Variants in SNTG1 observed in about 807,000 individuals in gnomAD.
SNTG1 encodes the protein syntrophin gamma 1, also known as gamma-1-syntrophin.
In SNTG1, 39 loss-of-function variants were observed where a neutral mutation model predicts 74.7. That is an observed-to-expected ratio of 0.52 (90% confidence interval 0.40 to 0.68). The LOEUF (loss-of-function observed/expected upper bound fraction) is 0.68. SNTG1 is among the 30% of genes least tolerant of loss of function. The pLI is 0.00. For missense variants in SNTG1, 685 were observed against 609.5 expected (o/e 1.12, Z -1.30); for synonymous variants, 254 against 217.1 (o/e 1.17, Z -1.49).
At chr8:50,198,239 C>T (rs952276918) in intron 2 of SNTG1, among the ~76,000 whole-genome samples, 2 of 152,150 alleles carry the variant, frequency 1.3e-5, no homozygotes, top group African/African-American at 2.4e-5. Context: ...TGGGAGAAAG[C>T]AGTCTCCCGG....
At chr8:49,987,259 G>C (rs1280140779) in intron 1 of SNTG1, among the ~76,000 whole-genome samples, 1 of 151,978 alleles carries the variant, frequency 6.6e-6, no homozygotes, top group East Asian at 1.9e-4. Flanking sequence ...AAAATTAAGA[G>C]TATAAATAAA....
At position 50,161,691 on chromosome 8, in the gene SNTG1, T is replaced by C. The variant is rs560194462; in HGVS notation, c.-102-10870T>C. On this transcript the variant is annotated intron_variant, in intron 1 of 18. Coordinates refer to ENST00000642720, the MANE Select transcript of SNTG1 (RefSeq NM_018967.5). ...TTGGCCCTTGAGTGCATGAGGTAAGTATAGATTTGAAAGCCCTTGTCTAGT... is the reference window on the plus strand; with the variant it reads ...TTGGCCCTTGAGTGCATGAGGTAAGCATAGATTTGAAAGCCCTTGTCTAGT... Among the ~76,000 whole-genome samples the C allele has an allele frequency of 4.6e-5, 7 of 151,706 alleles. No homozygotes were observed. The East Asian group carries it at 1.2e-3, about 25-fold the overall frequency.
intron 2 of SNTG1, among the ~76,000 whole-genome samples, chr8:50,354,043 C>G (rs1241899040): frequency 6.6e-6 from 1 of 152,186 alleles, no homozygotes; most frequent in African/African-American, 2.4e-5. Flanking sequence ...GACCAGTGAA[C>G]TATTCACTTG....
intron 18 of SNTG1, among the ~76,000 whole-genome samples, chr8:50,771,938 T>C (rs754941341): frequency 6.6e-6 from 1 of 152,096 alleles, no homozygotes; most frequent in East Asian, 1.9e-4. Flanking sequence ...GTGAGAGCTA[T>C]GGAAACAAGC....
intron 2 of SNTG1, among the ~76,000 whole-genome samples, chr8:50,180,739 G>A (rs183013183): frequency 7.7e-5 from 10 of 130,284 alleles, no homozygotes; most frequent in Middle Eastern, 4.5e-3. Context: ...TTTCCCACCA[G>A]ATTGTGAAGC....
At position 49,938,603 on chromosome 8, in the gene SNTG1, T is replaced by TTTTCTTTTTTTTCTTTTC; in HGVS notation, c.-103+26379_-103+26380insTTTTTCTTTTCTTTCTTT. Among the ~76,000 whole-genome samples the TTTTCTTTTTTTTCTTTTC allele has an allele frequency of 1.4e-3, 102 of 74,762 alleles. 13 individuals are homozygous for TTTTCTTTTTTTTCTTTTC. Among genetic ancestry groups the TTTTCTTTTTTTTCTTTTC allele is most frequent in the East Asian group, 3.2e-3 (5 of 1,556 alleles). The allele number at this position is 74,762 out of a possible 152,430, so 49.0% of individuals were successfully genotyped here. ...TTTTCTTTTCTTTTCTTTTCTTTTC[T>TTTTCTTTTTTTTCTTTTC]TTTCTTTCTTTCTTTCTTTCTTTCT... On this transcript the variant is annotated intron_variant, in intron 1 of 18. Transcript: ENST00000642720.
chr8:50,228,996 T>TGA (rs1318632355), intron 2 of SNTG1, among the ~76,000 whole-genome samples: 1 of 151,790 alleles, frequency 6.6e-6, no homozygotes, highest in Admixed American at 6.6e-5. Flanking sequence ...TCATAAGAGG[T>TGA]GAGAGAGTAA....
At chr8:50,013,490 G>A (rs13273543) in intron 1 of SNTG1, among the ~76,000 whole-genome samples, 16,642 of 151,446 alleles carry the variant, frequency 0.11, 1,103 homozygotes, top group South Asian at 0.21. Context: ...TAGATAGATA[G>A]ATAGATAGAT....
intron 8 of SNTG1, among the ~76,000 whole-genome samples, chr8:50,469,508 G>A (rs529158580): frequency 6.6e-6 from 1 of 152,194 alleles, no homozygotes; most frequent in East Asian, 1.9e-4. Context: ...AGCAACTCCA[G>A]TATTCAAAAT....
chr8:49,994,922 A>G (rs1295603345), intron 1 of SNTG1, among the ~76,000 whole-genome samples: 1 of 152,154 alleles, frequency 6.6e-6, no homozygotes, highest in African/African-American at 2.4e-5. Context: ...CAATGCCCTC[A>G]TGGGTCTTAT....
At chr8:50,769,326 C>T (rs574361197) in intron 18 of SNTG1, among the ~76,000 whole-genome samples, 37 of 151,924 alleles carry the variant, frequency 2.4e-4, no homozygotes, top group Non-Finnish European at 4.6e-4. Context: ...TAATCATCTA[C>T]GAAGAGAAGA....
intron 2 of SNTG1, among the ~76,000 whole-genome samples, chr8:50,329,034 C>G (rs2130863699): frequency 6.6e-6 from 1 of 152,272 alleles, no homozygotes; most frequent in South Asian, 2.1e-4. Context: ...CCATGTGAGT[C>G]TGAAATCCAG....
chr8:50,458,458 C>T (rs1431512948), intron 8 of SNTG1, among the ~76,000 whole-genome samples: 2 of 151,786 alleles, frequency 1.3e-5, no homozygotes, highest in African/African-American at 4.8e-5. Flanking sequence ...ATATGACAGA[C>T]AAAGAATATG....
At chr8:50,341,355 A>G (rs998152582) in intron 2 of SNTG1, among the ~76,000 whole-genome samples, 5 of 151,920 alleles carry the variant, frequency 3.3e-5, no homozygotes, top group African/African-American at 1.2e-4. Context: ...TGTTCCACAA[A>G]TGGTACTTTT....
In SNTG1 at chr8:50,110,295, C is replaced by G. The variant is rs374476110; in HGVS notation, c.-102-62266C>G. Among the ~76,000 whole-genome samples the G allele has an allele frequency of 1.4e-4, 22 of 152,196 alleles. No homozygotes were observed. The East Asian group carries it at 4.3e-3, about 29-fold the overall frequency. ...ATCTAGCATGGATGCTTTGAGTGGT[C>G]TCTGGGGTGTGAGATTTTCCAGCCC... On this transcript the variant is annotated intron_variant, in intron 1 of 18. Transcript: ENST00000642720.
intron 4 of SNTG1, among the ~76,000 whole-genome samples, chr8:50,402,849 A>G (rs1331003489): frequency 6.6e-6 from 1 of 152,144 alleles, no homozygotes; most frequent in Non-Finnish European, 1.5e-5. Context: ...ATTATGCCCA[A>G]GTGCTGTAGC....
At chr8:49,924,534 T>C (rs984802671) in intron 1 of SNTG1, among the ~76,000 whole-genome samples, 3 of 152,202 alleles carry the variant, frequency 2.0e-5, no homozygotes, top group Admixed American at 6.5e-5. Flanking sequence ...TAACATAGCA[T>C]TGTGATATCA....
At chr8:50,042,666 C>T (rs561662053) in intron 1 of SNTG1, among the ~76,000 whole-genome samples, 2 of 152,148 alleles carry the variant, frequency 1.3e-5, no homozygotes, top group Non-Finnish European at 2.9e-5. Flanking sequence ...AAGTGATCCT[C>T]CTAGCCCAGC....
chr8:50,615,052 C>T (rs2094876970), intron 13 of SNTG1, among the ~76,000 whole-genome samples: 1 of 151,578 alleles, frequency 6.6e-6, no homozygotes, highest in Admixed American at 6.6e-5. Flanking sequence ...AAGCCATTCT[C>T]CTGCCTCAGC....
Sources: gnomAD v4.1 joint callset for allele counts (sites outside exome capture counted in the v4.1 genomes callset) on GRCh38, gnomAD v4.1.1 for gene constraint, MANE v1.5 for transcripts, NCBI Gene and HGNC (gene_info 2026-07-23, HGNC 2026-07-21) for gene names.